Variants in WNK1 observed in about 807,000 individuals in gnomAD.
The protein encoded by WNK1 is serine/threonine-protein kinase WNK1.
A neutral mutation model predicts 222.8 loss-of-function variants in WNK1; 38 were observed. The ratio of observed to expected loss-of-function variants is 0.17; its 90% CI spans 0.13 to 0.22. The LOEUF (loss-of-function observed/expected upper bound fraction) is 0.22, where lower values mean the gene tolerates loss of function less well. Ranked by LOEUF, WNK1 falls within the 10% of genes least tolerant of loss-of-function variation. The pLI, the probability that WNK1 is intolerant of heterozygous loss-of-function variation, is 1.00. For missense variants in WNK1, 2,348 were observed against 2,918.4 expected, an observed-to-expected ratio of 0.80 and a Z score of 4.50; for synonymous variants, 1,090 against 1,092.9, an observed-to-expected ratio of 1.00 and a Z score of 0.05.
rs183991896 is a variant in WNK1, at chr12:907,837, C to T, written c.6644-10C>T. The T allele has an allele frequency of 8.7e-6, 14 of 1,613,166 alleles. No individual in the cohort carries two copies. The Admixed American group carries it at 1.8e-4, about 21-fold the overall frequency. ...TTCTTTTAATGCTCGTATTCTGTTG[C>T]TTATAATAGGAACCAGCAGCACAAA... On this transcript the variant is annotated splice_polypyrimidine_tract_variant and intron_variant, in intron 26 of 27. Transcript: ENST00000315939.
intron 16 of WNK1, 62 bp downstream of exon 16, chr12:883,630 T>C (rs988716035): frequency 6.2e-7 from 1 of 1,610,342 alleles, no homozygotes; most frequent in Non-Finnish European, 8.5e-7. Context: ...AGTTCTAAAT[T>C]TGCTATGCAA....
chr12:765,848 A>G (rs1033942023), intron 1 of WNK1, among the ~76,000 whole-genome samples: 1 of 152,198 alleles, frequency 6.6e-6, no homozygotes, highest in Non-Finnish European at 1.5e-5. Context: ...TAAAGTATAT[A>G]GAGTGTTGTT....
chr12:869,185 T>G (rs1951934445), intron 8 of WNK1: 1 of 1,542,642 alleles, frequency 6.5e-7, no homozygotes, highest in Non-Finnish European at 9.0e-7. Context: ...CTTATTTCCC[T>G]GAATCATGGA....
intron 5 of WNK1, among the ~76,000 whole-genome samples, chr12:857,959 C>G (rs765890): frequency 1.3e-5 from 2 of 152,212 alleles, no homozygotes; most frequent in African/African-American, 2.4e-5. Flanking sequence ...TGAGCATAAT[C>G]TACCACTTGA....
chr12:897,755 TGAACA>T, intron 25 of WNK1, 74 bp downstream of exon 25: 1 of 1,473,298 alleles, frequency 6.8e-7, no homozygotes, highest in Non-Finnish European at 9.4e-7. Flanking sequence ...TGTGACCTGC[TGAACA>T]TTTGTTGTTT....
rs757951705 is a variant in WNK1 at position 896,425 on chromosome 12, C to T, written c.5938C>T (p.Pro1980Ser). Residue 1980 changes from proline to serine, a missense_variant, in exon 24 of 28, where the codon CCT becomes TCT. Physicochemically the swap from Pro to Ser is moderately conservative, Grantham distance 74 (BLOSUM62 -1). This residue lies in a region of WNK1 where 1,144 missense variants were observed against 1,273.6 expected (regional missense o/e 0.90). Coordinates refer to ENST00000315939, the MANE Select transcript of WNK1 (RefSeq NM_018979.4). ...GAAAGAAGGACCAGTGGCATCTCCT[C>T]CTTTTATGGATTTGGAACAAGCTGT... ...TKKEGPVASPPFMDLEQAVLP... is the reference protein window; with the variant it reads ...TKKEGPVASPSFMDLEQAVLP... 1.2e-6 allele frequency: 2 copies of T among 1,613,952 alleles called. No homozygotes were observed. Among genetic ancestry groups the T allele is most frequent in the African/African-American group, 1.3e-5 (1 of 74,864 alleles).
chr12:859,461 A>G lies in WNK1; in HGVS notation c.1617A>G (p.Glu539=). 6.2e-7 allele frequency: 1 copy of G among 1,608,826 alleles called. No homozygotes were observed. The highest frequency in any genetic ancestry group is 2.2e-5 in the East Asian group (1 of 44,776). The change falls in exon 6 of 28, where the codon GAA becomes GAG. Residue 539 remains glutamate (E), a synonymous_variant. Transcript: ENST00000315939. Reference sequence around the variant, plus strand: ...ATGTCCCAGAAGATGTTGCACAAGAAATGGTAAATTGACATTAGCCATTTT... The same window carrying G: ...ATGTCCCAGAAGATGTTGCACAAGAGATGGTAAATTGACATTAGCCATTTT... The part of the protein sequence containing the change: ...ERDVPEDVAQ[E]MVESGYVCEG...
At chr12:908,297 A>G (rs993732673) in intron 27 of WNK1, 178 bp from the exon 28 acceptor site, 2 of 774,880 alleles carry the variant, frequency 2.6e-6, no homozygotes, top group East Asian at 5.3e-5. Flanking sequence ...CGCACATGAC[A>G]TCCCTCCCTC....
At chr12:816,694 A>G (rs1375328827) in intron 2 of WNK1, among the ~76,000 whole-genome samples, 2 of 152,206 alleles carry the variant, frequency 1.3e-5, no homozygotes, top group Non-Finnish European at 2.9e-5. Context: ...ATAATTGATC[A>G]GGAACGGAAA....
intron 11 of WNK1, among the ~76,000 whole-genome samples, chr12:880,242 G>A (rs1263565323): frequency 1.3e-5 from 2 of 152,274 alleles, no homozygotes; most frequent in South Asian, 2.1e-4. Flanking sequence ...GAGAAAAATG[G>A]TTCTCTCAGT....
chr12:813,373 C>T (rs1947075702), intron 1 of WNK1, among the ~76,000 whole-genome samples: 1 of 152,198 alleles, frequency 6.6e-6, no homozygotes. Context: ...AATTGCATGT[C>T]TAGCAATTGA....
intron 22 of WNK1, among the ~76,000 whole-genome samples, 162 bp from the exon 23 acceptor site, chr12:894,400 C>T (rs1442513872): frequency 6.6e-6 from 1 of 152,258 alleles, no homozygotes; most frequent in South Asian, 2.1e-4. Context: ...CTCTTTTCCC[C>T]TGTTGGACAG....
intron 1 of WNK1, among the ~76,000 whole-genome samples, chr12:782,034 A>G (rs941885901): frequency 3.3e-5 from 5 of 152,220 alleles, no homozygotes; most frequent in Non-Finnish European, 7.3e-5. Context: ...GAAAATGACA[A>G]TTTTGTATAC....
intron 2 of WNK1, among the ~76,000 whole-genome samples, chr12:819,307 T>C (rs2154019619): frequency 6.6e-6 from 1 of 152,324 alleles, no homozygotes; most frequent in Middle Eastern, 3.4e-3. Context: ...TGCTCCTTGA[T>C]AATGTTCTAT....
In WNK1 at chr12:883,390, T is replaced by A. The variant is rs72650719; in HGVS notation, c.3490-5T>A. The A allele has an allele frequency of 3.1e-3, 5,078 of 1,614,168 alleles. 117 individuals are homozygous for A. In the African/African-American group the frequency reaches 0.056, roughly 18 times the overall value. ...AATTAGACTGACATCACATTTCTTT[T>A]ACAGGTGAACAATGACTTTATTCTA... is the stretch of plus-strand genomic sequence containing the variant. On this transcript the variant is annotated splice_polypyrimidine_tract_variant and splice_region_variant and intron_variant, in intron 15 of 27. Transcript: ENST00000315939.
At chr12:780,325 C>T (rs1943567007) in intron 1 of WNK1, among the ~76,000 whole-genome samples, 1 of 152,194 alleles carries the variant, frequency 6.6e-6, no homozygotes, top group South Asian at 2.1e-4. Context: ...GTGAGATACA[C>T]TGATCACAAA....
intron 1 of WNK1, among the ~76,000 whole-genome samples, chr12:787,648 G>T (rs1944438149): frequency 6.6e-6 from 1 of 152,062 alleles, no homozygotes. Context: ...TATCTTTTGT[G>T]TAAGTCGGTT....
intron 1 of WNK1, among the ~76,000 whole-genome samples, chr12:793,050 G>A (rs1022596184): frequency 6.6e-6 from 1 of 152,134 alleles, no homozygotes; most frequent in Non-Finnish European, 1.5e-5. Flanking sequence ...CACGGTAGCT[G>A]CTATTATTAA....
intron 8 of WNK1, among the ~76,000 whole-genome samples, chr12:863,147 C>G (rs1048757447): frequency 6.6e-6 from 1 of 152,148 alleles, no homozygotes; most frequent in African/African-American, 2.4e-5. Flanking sequence ...TTTAAGCAGA[C>G]AGATTTTCCC....
Sources: gnomAD v4.1 joint callset for allele counts (sites outside exome capture counted in the v4.1 genomes callset) on GRCh38, gnomAD v4.1.1 for gene constraint, gnomAD v4.1.1 regional missense constraint, MANE v1.5 for transcripts, NCBI Gene and HGNC (gene_info 2026-07-23, HGNC 2026-07-21) for gene names.